Variants in CMTM7 observed in about 807,000 individuals in gnomAD.
The protein encoded by CMTM7 is CKLF like MARVEL transmembrane domain containing 7.
CMTM7 carries 7 observed loss-of-function variants against 19.3 expected under a neutral mutation model. The ratio of observed to expected loss-of-function variants is 0.36; its 90% confidence interval spans 0.21 to 0.68. The LOEUF (loss-of-function observed/expected upper bound fraction) is 0.68, where lower values mean the gene tolerates loss of function less well. CMTM7 is among the 30% of genes least tolerant of loss of function. The pLI is 0.60. For synonymous variants in CMTM7, 87 were observed against 99.3 expected (o/e 0.88, Z 0.74); for missense variants, 193 against 232.6 (o/e 0.83, Z 1.11).
chr3:32,435,918 C>T (rs1014107251), intron 1 of CMTM7, among the ~76,000 whole-genome samples: 1 of 152,222 alleles, frequency 6.6e-6, no homozygotes, highest in Admixed American at 6.5e-5. Context: ...TTTAAAACTA[C>T]TAAATATCAC....
intron 1 of CMTM7, among the ~76,000 whole-genome samples, chr3:32,404,557 A>G (rs1696062806): frequency 6.6e-6 from 1 of 152,244 alleles, no homozygotes; most frequent in South Asian, 2.1e-4. Flanking sequence ...ATAGCTGTCC[A>G]AAGTTGAATA....
chr3:32,436,145 G>A (rs1696594185), intron 1 of CMTM7, among the ~76,000 whole-genome samples: 1 of 152,144 alleles, frequency 6.6e-6, no homozygotes, highest in African/African-American at 2.4e-5. Flanking sequence ...TCCCTCCCTT[G>A]GGTTTCTATG....
chr3:32,436,754 G>A, intron 1 of CMTM7, among the ~76,000 whole-genome samples: 1 of 152,086 alleles, frequency 6.6e-6, no homozygotes, highest in Non-Finnish European at 1.5e-5. Context: ...ACACTCAGTG[G>A]ACCAGACTTG....
chr3:32,392,526 G>A (rs934765495), intron 1 of CMTM7, among the ~76,000 whole-genome samples: 54 of 152,250 alleles, frequency 3.5e-4, no homozygotes, highest in Non-Finnish European at 5.1e-4. Context: ...CGAACCCAGC[G>A]CGGCAGGGCT....
At chr3:32,402,915 G>T (rs1011017175) in intron 1 of CMTM7, among the ~76,000 whole-genome samples, 5 of 152,184 alleles carry the variant, frequency 3.3e-5, no homozygotes, top group Admixed American at 3.3e-4. Flanking sequence ...AATGGGAAGG[G>T]GAAAAGGAGA....
At chr3:32,416,367 T>C (rs9880670) in intron 1 of CMTM7, among the ~76,000 whole-genome samples, 8,955 of 46,578 alleles carry the variant, frequency 0.19, 521 homozygotes, top group South Asian at 0.27. Context: ...GCTAATTTTT[T>C]TTTTTTTTTT....
intron 1 of CMTM7, among the ~76,000 whole-genome samples, chr3:32,433,347 G>A (rs1417536509): frequency 6.6e-6 from 1 of 152,200 alleles, no homozygotes; most frequent in East Asian, 1.9e-4. Flanking sequence ...ATCGGTCTGG[G>A]CTGCACCTGT....
intron 1 of CMTM7, among the ~76,000 whole-genome samples, chr3:32,436,149 T>C (rs1443336704): frequency 1.3e-5 from 2 of 152,214 alleles, no homozygotes; most frequent in African/African-American, 2.4e-5. Context: ...TCCCTTGGGT[T>C]TCTATGGCAT....
At chr3:32,437,845 G>A (rs1296330528) in intron 1 of CMTM7, among the ~76,000 whole-genome samples, 2 of 151,638 alleles carry the variant, frequency 1.3e-5, no homozygotes, top group African/African-American at 2.4e-5. Flanking sequence ...GAGCTGAGAT[G>A]TTGCCACTGC....
At chr3:32,422,233 C>G (rs1696356108) in intron 1 of CMTM7, among the ~76,000 whole-genome samples, 1 of 151,810 alleles carries the variant, frequency 6.6e-6, no homozygotes, top group South Asian at 2.1e-4. Flanking sequence ...TTTTTTATCC[C>G]AGACTAATTT....
At chr3:32,396,579 C>T (rs1258738462) in intron 1 of CMTM7, among the ~76,000 whole-genome samples, 3 of 152,098 alleles carry the variant, frequency 2.0e-5, no homozygotes, top group African/African-American at 4.8e-5. Context: ...TAAAAACCAC[C>T]GAGATTTATA....
intron 1 of CMTM7, among the ~76,000 whole-genome samples, chr3:32,412,480 GACACACACACACACACAC>G (rs3081435): frequency 0.021 from 2,538 of 120,430 alleles, 60 homozygotes; most frequent in African/African-American, 0.056. Context: ...GATTGAGACT[GACACACACACACACACAC>G]ACACACACAC....
At chr3:32,441,787 C>T in intron 1 of CMTM7, 53 bp from the exon 2 acceptor site, 7 of 1,541,740 alleles carry the variant, frequency 4.5e-6, no homozygotes, top group Non-Finnish European at 5.4e-6. Context: ...TGTTTGTTCC[C>T]TGGGTGCCCG....
At chr3:32,448,489 C>A (rs1696784161) in intron 2 of CMTM7, among the ~76,000 whole-genome samples, 2 of 152,158 alleles carry the variant, frequency 1.3e-5, no homozygotes, top group South Asian at 2.1e-4. Flanking sequence ...ATGGATGCAC[C>A]CTGGATTCAG....
In CMTM7 at chr3:32,416,376, T is replaced by C. The variant is rs28520481; in HGVS notation, c.159+24311T>C. 4.0e-3 allele frequency among the ~76,000 whole-genome samples: 371 copies of C among 93,544 alleles called. 42 individuals carry two copies. The highest frequency in any genetic ancestry group is 0.016 in the African/African-American group (358 of 22,792). 61.4% of individuals were successfully genotyped at this position (93,544 alleles called of 152,430 possible). ...ATCCGGGCTAATTTTTTTTTTTTTTTTTTTTTTTTTTTTTTTTTTTTGAGA... is the reference window on the plus strand; with the variant it reads ...ATCCGGGCTAATTTTTTTTTTTTTTCTTTTTTTTTTTTTTTTTTTTTGAGA... On this transcript the variant is annotated intron_variant, in intron 1 of 4. Transcript: ENST00000334983.
intron 1 of CMTM7, among the ~76,000 whole-genome samples, chr3:32,421,409 T>C (rs1696340910): frequency 6.6e-6 from 1 of 152,160 alleles, no homozygotes; most frequent in Non-Finnish European, 1.5e-5. Context: ...TGTTCCCAAA[T>C]ATACTCTTGT....
chr3:32,440,724 G>A (rs1313965195), intron 1 of CMTM7, among the ~76,000 whole-genome samples: 1 of 152,238 alleles, frequency 6.6e-6, no homozygotes, highest in Non-Finnish European at 1.5e-5. Context: ...GTTGCAGTGA[G>A]CTGAGATTGG....
At chr3:32,433,891 C>A (rs1028306917) in intron 1 of CMTM7, among the ~76,000 whole-genome samples, 1 of 152,050 alleles carries the variant, frequency 6.6e-6, no homozygotes, top group Non-Finnish European at 1.5e-5. Context: ...ATGCCATCTA[C>A]AAAAATAAAT....
rs552552263 is a variant in CMTM7 at position 32,429,002 on chromosome 3, G to A, written c.160-12838G>A. Among the ~76,000 whole-genome samples, 9 of 152,322 alleles carry A rather than the reference G, an allele frequency of 5.9e-5. No homozygotes were observed. In the South Asian group the frequency reaches 6.2e-4, roughly 11 times the overall value. ...ACTTTTGTGAATGTAGAGCCTCATCGTTTGGTCTGGCTGTGGTCAGAATGT... is the reference window on the plus strand; with the variant it reads ...ACTTTTGTGAATGTAGAGCCTCATCATTTGGTCTGGCTGTGGTCAGAATGT... On this transcript the variant is annotated intron_variant, in intron 1 of 4. Coordinates refer to ENST00000334983, the MANE Select transcript of CMTM7 (RefSeq NM_138410.4).
Sources: gnomAD v4.1 joint callset for allele counts (sites outside exome capture counted in the v4.1 genomes callset) on GRCh38, gnomAD v4.1.1 for gene constraint, MANE v1.5 for transcripts, NCBI Gene and HGNC (gene_info 2026-07-23, HGNC 2026-07-21) for gene names.